The following PLCH1 variants were observed in gnomAD, a reference collection of about 807,000 sequenced individuals.
PLCH1 encodes the protein phospholipase C eta 1.
Under a neutral mutation model 126.7 loss-of-function variants are expected in PLCH1, and 60 were observed. The ratio of observed to expected loss-of-function variants is 0.47; its 90% CI spans 0.38 to 0.59. The LOEUF (loss-of-function observed/expected upper bound fraction) is 0.59. PLCH1 is among the 20% of genes least tolerant of loss of function. The probability of loss-of-function intolerance (pLI) is 0.00; values close to 1 mark genes in which losing one functional copy is unlikely to be tolerated. For synonymous variants in PLCH1, 719 were observed against 734.9 expected (o/e 0.98, Z 0.35); for missense variants, 1,723 against 2,040.0 (o/e 0.84, Z 2.99).
Position 155,594,114 on chromosome 3 carries a change from C to G in PLCH1, c.297G>C (p.Gly99=). Residue 99 remains glycine (G), a synonymous_variant, in exon 4 of 23, where the codon GGG becomes GGC. Transcript: ENST00000460012. ...QSEIFHRQAE[G]NFDPSCCFTI... ...TGAAGCAGCAGCTGGGGTCGAAGTT[C>G]CCCTCAGCTTGTCTGTGGAATATTT... 6.2e-7 allele frequency: 1 copy of G among 1,614,020 alleles called. No individual in the cohort carries two copies. Among genetic ancestry groups the G allele is most frequent in the South Asian group, 1.1e-5 (1 of 91,064 alleles).
intron 1 of PLCH1, among the ~76,000 whole-genome samples, chr3:155,721,060 G>A (rs980469192): frequency 6.6e-6 from 1 of 152,134 alleles, no homozygotes; most frequent in Non-Finnish European, 1.5e-5. Flanking sequence ...TCTCTATTCT[G>A]CTCCATTGGT....
intron 8 of PLCH1, among the ~76,000 whole-genome samples, chr3:155,560,595 T>G (rs912160939): frequency 1.3e-5 from 2 of 152,210 alleles, no homozygotes; most frequent in Admixed American, 1.3e-4. Flanking sequence ...TTTAAGCATG[T>G]TGATTTACCT....
At chr3:155,522,497 C>T (rs544850661) in intron 11 of PLCH1, among the ~76,000 whole-genome samples, 5 of 152,234 alleles carry the variant, frequency 3.3e-5, no homozygotes, top group African/African-American at 9.6e-5. Flanking sequence ...TCCATTTGGC[C>T]CATTTAAAGG....
In PLCH1 at chr3:155,669,125, C is replaced by G. The variant is rs552203424; in HGVS notation, c.79+35021G>C. 1.4e-4 allele frequency among the ~76,000 whole-genome samples: 21 copies of G among 151,626 alleles called. No individual in the cohort carries two copies. The East Asian group carries it at 3.9e-3, about 28-fold the overall frequency. ...AGTTATGCCCGAGGAGTGGGCATCA[C>G]CACTTGCTTTCATCCACTACTTCTT... On this transcript the variant is annotated intron_variant, in intron 2 of 22. Coordinates refer to ENST00000460012, the MANE Select transcript of PLCH1 (RefSeq NM_014996.4).
chr3:155,486,057 G>A, intron 21 of PLCH1: 1 of 804,814 alleles, frequency 1.2e-6, no homozygotes, highest in Non-Finnish European at 2.0e-6. Context: ...GTGGTAAGCA[G>A]GAAGATGGAG....
At chr3:155,537,133 G>A (rs1446646889) in intron 10 of PLCH1, among the ~76,000 whole-genome samples, 2 of 131,964 alleles carry the variant, frequency 1.5e-5, no homozygotes, top group Non-Finnish European at 3.2e-5. Flanking sequence ...TCCAATTTCA[G>A]ATCATAGGCA....
rs531274953 is a variant in PLCH1, at chr3:155,607,510, G to A, written c.80-11132C>T. Among the ~76,000 whole-genome samples the A allele has an allele frequency of 5.0e-3, 762 of 151,592 alleles. 3 individuals carry two copies. The highest frequency in any genetic ancestry group is 8.0e-3 in the Non-Finnish European group (543 of 67,900). On this transcript the variant is annotated intron_variant, in intron 2 of 22. Coordinates refer to ENST00000460012, the MANE Select transcript of PLCH1 (RefSeq NM_014996.4). ...GGCTGGAGTGCACTGGTGTGATCAC[G>A]GCTCACTGCAGCCTCAACCTCCCTG... is the stretch of plus-strand genomic sequence containing the variant.
chr3:155,633,490 TG>T (rs762950855), intron 2 of PLCH1, among the ~76,000 whole-genome samples: 1 of 151,896 alleles, frequency 6.6e-6, no homozygotes, highest in Non-Finnish European at 1.5e-5. Context: ...CCGTCTCTCC[TG>T]CTGGAATGTA....
At chr3:155,530,163 T>C (rs190789117) in intron 10 of PLCH1, among the ~76,000 whole-genome samples, 30 of 152,356 alleles carry the variant, frequency 2.0e-4, no homozygotes, top group Admixed American at 1.2e-3. Flanking sequence ...TTACCTACAG[T>C]AGAACTTCTG....
chr3:155,559,503 G>A (rs1727293049), intron 8 of PLCH1, among the ~76,000 whole-genome samples: 1 of 152,100 alleles, frequency 6.6e-6, no homozygotes, highest in Non-Finnish European at 1.5e-5. Context: ...CCAAGTCTCT[G>A]AGATAAATAT....
intron 14 of PLCH1, among the ~76,000 whole-genome samples, chr3:155,498,607 G>A (rs796642052): frequency 7.9e-5 from 12 of 152,208 alleles, no homozygotes; most frequent in African/African-American, 2.9e-4. Context: ...CTGCATAGTG[G>A]GTAGCGGGCC....
At chr3:155,591,057 G>C (rs937742673) in intron 4 of PLCH1, among the ~76,000 whole-genome samples, 1 of 152,116 alleles carries the variant, frequency 6.6e-6, no homozygotes, top group African/African-American at 2.4e-5. Context: ...TGGACAATCA[G>C]GTTCGAAAAC....
chr3:155,585,845 G>A (rs563600577), intron 5 of PLCH1, among the ~76,000 whole-genome samples: 15 of 152,186 alleles, frequency 9.9e-5, no homozygotes, highest in Non-Finnish European at 1.5e-4. Context: ...AAACAGCAAC[G>A]ATAACAAAAA....
chr3:155,526,409 T>C (rs1402306581), intron 10 of PLCH1, among the ~76,000 whole-genome samples: 2 of 125,604 alleles, frequency 1.6e-5, no homozygotes, highest in Non-Finnish European at 3.2e-5. Flanking sequence ...TCTCTCTCTT[T>C]CTCTCTCTCT....
chr3:155,574,501 T>C (rs982503486), intron 6 of PLCH1, among the ~76,000 whole-genome samples: 6 of 152,222 alleles, frequency 3.9e-5, no homozygotes, highest in African/African-American at 1.4e-4. Flanking sequence ...AGACAAGTTT[T>C]AAAATTTTGT....
chr3:155,520,730 T>C (rs1020738841), intron 11 of PLCH1, among the ~76,000 whole-genome samples: 8 of 152,256 alleles, frequency 5.3e-5, no homozygotes, highest in Non-Finnish European at 1.2e-4. Context: ...TCTGTGTCTC[T>C]GAGTTGTATG....
At chr3:155,650,813 G>A (rs1393397882) in intron 2 of PLCH1, among the ~76,000 whole-genome samples, 1 of 152,168 alleles carries the variant, frequency 6.6e-6, no homozygotes, top group East Asian at 1.9e-4. Flanking sequence ...CGAGGCGGGT[G>A]GATTACCTGA....
At chr3:155,630,534 T>A (rs1487687593) in intron 2 of PLCH1, among the ~76,000 whole-genome samples, 2 of 152,238 alleles carry the variant, frequency 1.3e-5, no homozygotes, top group African/African-American at 4.8e-5. Context: ...TTGGGCTGCC[T>A]GCAAGAGTCT....
At chr3:155,508,792 C>T (rs1719034653) in intron 12 of PLCH1, among the ~76,000 whole-genome samples, 1 of 80,858 alleles carries the variant, frequency 1.2e-5, no homozygotes, top group South Asian at 5.3e-4. Context: ...CAATGTTCAT[C>T]AAGGATATTG....
Sources: allele counts gnomAD v4.1 joint callset (sites outside exome capture counted in the v4.1 genomes callset), GRCh38; gene constraint gnomAD v4.1.1; transcripts MANE v1.5; gene names NCBI Gene and HGNC (gene_info 2026-07-23, HGNC 2026-07-21).